The following EXOSC4 variants were observed in gnomAD, a reference collection of about 807,000 sequenced individuals.
EXOSC4 encodes the protein exosome component 4.
A neutral mutation model predicts 20.0 loss-of-function variants in EXOSC4; 14 were observed. The observed-to-expected ratio is 0.70, with a 90% CI of 0.46 to 1.09. EXOSC4 has a LOEUF of 1.09. Ranked by LOEUF, EXOSC4 falls within the 50% of genes least tolerant of loss-of-function variation. The pLI is 0.00. For missense variants in EXOSC4, 337 were observed against 334.0 expected (o/e 1.01, Z -0.07); for synonymous variants, 148 against 146.4 (o/e 1.01, Z -0.08).
chr8:144,069,955 G>A, the EXOSC4 span, among the ~76,000 whole-genome samples: 1 of 152,222 alleles, frequency 6.6e-6, no homozygotes, highest in Non-Finnish European at 1.5e-5. Context: ...GGGAACTCAG[G>A]GACAGAGAGC....
the EXOSC4 span, among the ~76,000 whole-genome samples, chr8:144,066,434 CTCTT>C: frequency 7.5e-6 from 1 of 133,980 alleles, no homozygotes; most frequent in African/African-American, 2.9e-5. Flanking sequence ...TAGAGTTTTT[CTCTT>C]TTTTTTTTTT....
the EXOSC4 span, among the ~76,000 whole-genome samples, chr8:144,073,367 CAG>C: frequency 5.0e-4 from 76 of 152,278 alleles, no homozygotes; most frequent in African/African-American, 1.7e-3. Flanking sequence ...GCCTGGGCGA[CAG>C]AATGAGATTC....
chr8:144,069,515 T>C, the EXOSC4 span, among the ~76,000 whole-genome samples: 1 of 152,178 alleles, frequency 6.6e-6, no homozygotes, highest in Admixed American at 6.5e-5. Flanking sequence ...TCTCTTCTCC[T>C]GTAGTCAAAT....
chr8:144,067,401 C>T, the EXOSC4 span, among the ~76,000 whole-genome samples: 2 of 152,138 alleles, frequency 1.3e-5, no homozygotes, highest in African/African-American at 4.8e-5. Flanking sequence ...AGAGATTCCA[C>T]ACAGGGGAGA....
the EXOSC4 span, among the ~76,000 whole-genome samples, chr8:144,070,669 A>T: frequency 6.6e-6 from 1 of 152,090 alleles, no homozygotes; most frequent in South Asian, 2.1e-4. Flanking sequence ...TCTATTAAAA[A>T]TACAAAACAT....
At chr8:144,079,604 A>G in intron 1 of EXOSC4, 3 of 420,008 alleles carry the variant, frequency 7.1e-6, no homozygotes, top group Non-Finnish European at 9.2e-6. Flanking sequence ...AGGGTTTTGT[A>G]GAGTAGGGAA....
At chr8:144,070,736 G>A in the EXOSC4 span, among the ~76,000 whole-genome samples, 4 of 151,744 alleles carry the variant, frequency 2.6e-5, no homozygotes, top group Admixed American at 2.0e-4. Flanking sequence ...GCTGAGGCAG[G>A]AGAATCCCTT....
the EXOSC4 span, among the ~76,000 whole-genome samples, chr8:144,067,977 C>T: frequency 1.5e-4 from 23 of 152,236 alleles, no homozygotes; most frequent in Non-Finnish European, 8.8e-5. Flanking sequence ...AGCCTGCATT[C>T]CTTCCTGATA....
the EXOSC4 span, among the ~76,000 whole-genome samples, chr8:144,073,209 A>C: frequency 6.6e-6 from 1 of 152,020 alleles, no homozygotes; most frequent in African/African-American, 2.4e-5. Flanking sequence ...GTGAAACCCC[A>C]TCTCTACTAA....
intron 1 of EXOSC4, 134 bp from the exon 2 acceptor site, chr8:144,079,809 G>A: frequency 1.1e-6 from 1 of 875,968 alleles, no homozygotes; most frequent in Non-Finnish European, 1.9e-6. Context: ...CGCAAAACAG[G>A]GGGCTTTGTT....
Position 144,080,059 on chromosome 8 carries a change from C to G in EXOSC4, c.288C>G (p.Ser96=). Residue 96 remains serine (S), a synonymous_variant, in exon 2 of 3, where the codon TCC becomes TCG. Transcript: ENST00000316052. This position sits in a 1 kb window ranked among gnomAD's most constrained non-coding sequence, Gnocchi z 4.9. ...GACGGCCACATGGGGACCGTAAGTC[C>G]TGTGAGATGGGCCTGCAGCTCCGCC... ...RKRRPHGDRK[S]CEMGLQLRQT... 6.2e-7 allele frequency: 1 copy of G among 1,614,108 alleles called. No individual in the cohort carries two copies. The highest frequency in any genetic ancestry group is 8.5e-7 in the Non-Finnish European group (1 of 1,180,040).
chr8:144,066,721 G>T, the EXOSC4 span, among the ~76,000 whole-genome samples: 7 of 152,130 alleles, frequency 4.6e-5, no homozygotes, highest in East Asian at 9.7e-4. Flanking sequence ...TGGGATTAGG[G>T]ATTACAAGTA....
chr8:144,075,388 G>A (rs948843893), upstream of EXOSC4, among the ~76,000 whole-genome samples: 4 of 152,080 alleles, frequency 2.6e-5, no homozygotes, highest in African/African-American at 7.2e-5. Context: ...CACCACGCCC[G>A]GCTAATTTTT....
At chr8:144,075,517 C>T (rs556217068), upstream of EXOSC4, among the ~76,000 whole-genome samples, 3 of 152,220 alleles carry the variant, frequency 2.0e-5, no homozygotes, top group South Asian at 2.1e-4. Context: ...TGAGCCACCG[C>T]GCCCGGCCCA....
Position 144,080,114 on chromosome 8 carries a change from C to G in EXOSC4, c.343C>G (p.Leu115Val), listed in dbSNP as rs2129926039. 6.2e-7 allele frequency: 1 copy of G among 1,613,746 alleles called. No individual in the cohort carries two copies. The highest frequency in any genetic ancestry group is 2.2e-5 in the East Asian group (1 of 44,876). ...QTFEAAILTQLHPRSQIDIYV... is the reference protein window; with the variant it reads ...QTFEAAILTQVHPRSQIDIYV... ...TTTCGAAGCAGCCATCCTCACACAG[C>G]TGCACCCACGCTCCCAGATTGATAT... Residue 115 changes from leucine (L) to valine (V), a missense_variant, in exon 2 of 3, where the codon CTG (leucine) becomes GTG (valine). Coordinates refer to ENST00000316052, the MANE Select transcript of EXOSC4 (RefSeq NM_019037.3). This position sits in a 1 kb window ranked among gnomAD's most constrained non-coding sequence, Gnocchi z 4.9.
chr8:144,076,745 G>C (rs1218804985), upstream of EXOSC4, among the ~76,000 whole-genome samples: 1 of 152,202 alleles, frequency 6.6e-6, no homozygotes, highest in Non-Finnish European at 1.5e-5. Context: ...GCAGTCCACA[G>C]AGCTCCCTGG....
chr8:144,078,144 T>C (rs1253364301), upstream of EXOSC4: 1 of 150,476 alleles, frequency 6.6e-6, no homozygotes, highest in Non-Finnish European at 1.5e-5. The surrounding 1 kb of genome is among the most constrained non-coding windows in gnomAD (Gnocchi z 4.7). Context: ...GTGTGGAAGC[T>C]CGGTGTAAAG....
At chr8:144,065,977 G>GTT in the EXOSC4 span, among the ~76,000 whole-genome samples, 474 of 139,312 alleles carry the variant, frequency 3.4e-3, 6 homozygotes, top group African/African-American at 0.012. Flanking sequence ...TGCCTGGCTA[G>GTT]TTTTTTTGTT....
chr8:144,077,425 C>T (rs1835846264), upstream of EXOSC4, among the ~76,000 whole-genome samples: 2 of 152,158 alleles, frequency 1.3e-5, no homozygotes, highest in South Asian at 4.1e-4. Context: ...TGGCCTCAGA[C>T]CAGCTGCAGC....
Sources: gnomAD v4.1 joint callset for allele counts (sites outside exome capture counted in the v4.1 genomes callset) on GRCh38, gnomAD v4.1.1 for gene constraint, Gnocchi (gnomAD v3.1) non-coding constraint, MANE v1.5 for transcripts, NCBI Gene and HGNC (gene_info 2026-07-23, HGNC 2026-07-21) for gene names.